The following PCDHA10 variants were observed in gnomAD, a reference collection of about 807,000 sequenced individuals.
The protein encoded by PCDHA10 is protocadherin alpha 10, also known as protocadherin alpha-10.
Under a neutral mutation model 61.2 loss-of-function variants are expected in PCDHA10, and 45 were observed. The observed-to-expected ratio is 0.74, with a 90% CI of 0.58 to 0.94. The LOEUF (loss-of-function observed/expected upper bound fraction) is 0.94, where lower values mean the gene tolerates loss of function less well. Ranked by LOEUF, PCDHA10 falls within the 40% of genes least tolerant of loss-of-function variation. The pLI is 0.00. For missense variants in PCDHA10, 1,278 were observed against 1,236.2 expected (o/e 1.03, Z -0.51); for synonymous variants, 602 against 548.8 (o/e 1.10, Z -1.35).
chr5:140,960,727 CA>C (rs2095565377), intron 1 of PCDHA10, among the ~76,000 whole-genome samples: 3 of 30,176 alleles, frequency 9.9e-5, no homozygotes, highest in Non-Finnish European at 1.9e-4. Context: ...TATTTTAGTC[CA>C]TGATTTTAGT....
intron 1 of PCDHA10, chr5:140,864,136 T>C (rs2048335461): frequency 6.6e-6 from 1 of 152,238 alleles, no homozygotes; most frequent in African/African-American, 2.4e-5. Flanking sequence ...AGTGGCTGTT[T>C]CCTGTAAATG....
chr5:140,891,235 G>T (rs186707439), intron 1 of PCDHA10, among the ~76,000 whole-genome samples: 48 of 152,092 alleles, frequency 3.2e-4, no homozygotes, highest in African/African-American at 1.1e-3. Flanking sequence ...TCCTGTTCTG[G>T]ATTCAGTAGG....
At chr5:140,887,770 G>A (rs2061571546) in intron 1 of PCDHA10, among the ~76,000 whole-genome samples, 2 of 152,072 alleles carry the variant, frequency 1.3e-5, no homozygotes, top group South Asian at 4.1e-4. Flanking sequence ...ATGTTACAAT[G>A]ACACAGGTCA....
chr5:140,996,237 G>T (rs1169717703), intron 3 of PCDHA10, among the ~76,000 whole-genome samples: 1 of 152,186 alleles, frequency 6.6e-6, no homozygotes, highest in Non-Finnish European at 1.5e-5. Context: ...GTTGCTCAAG[G>T]CTGAGAAGTG....
chr5:140,981,691 T>C (rs1370541525), intron 2 of PCDHA10, among the ~76,000 whole-genome samples: 1 of 150,826 alleles, frequency 6.6e-6, no homozygotes, highest in East Asian at 2.1e-4. Flanking sequence ...CCTTCCATCA[T>C]TCATTCATTC....
Position 140,858,242 on chromosome 5 carries a change from C to G in PCDHA10, c.2194C>G (p.Pro732Ala), listed in dbSNP as rs1554151322. ...SAAPTEGACG[P>A]VKPTLVCSSA... ...GGCGCCCACCGAGGGCGCATGTGGG[C>G]CGGTGAAGCCCACGCTGGTGTGCTC... is the stretch of plus-strand genomic sequence containing the variant. The change falls in exon 1 of 4, where the codon CCG (proline) becomes GCG (alanine). Residue 732 changes from proline to alanine, a missense_variant. Coordinates refer to ENST00000307360, the MANE Select transcript of PCDHA10 (RefSeq NM_018901.4). 6.3e-7 allele frequency: 1 copy of G among 1,596,300 alleles called. No individual in the cohort carries two copies. Among genetic ancestry groups the G allele is most frequent in the Non-Finnish European group, 8.6e-7 (1 of 1,166,248 alleles).
Position 140,969,025 on chromosome 5 carries a change from T to G in PCDHA10, c.2389-9924T>G, listed in dbSNP as rs1554231368. On this transcript the variant is annotated intron_variant, in intron 1 of 3. Transcript: ENST00000307360. ...TCTGTGGAGTAAGGGAAAGGTCCCC[T>G]GCAGAACTGTACAAACAAGCCAACA... The G allele has an allele frequency of 1.9e-6, 3 of 1,614,178 alleles. No individual in the cohort carries two copies. The East Asian group carries it at 6.7e-5, about 36-fold the overall frequency.
At chr5:140,993,996 G>C (rs1163632974) in intron 3 of PCDHA10, among the ~76,000 whole-genome samples, 1 of 152,148 alleles carries the variant, frequency 6.6e-6, no homozygotes, top group Non-Finnish European at 1.5e-5. Flanking sequence ...CTTAGGTCAG[G>C]CCAGGCTCTG....
chr5:140,982,288 T>G, intron 2 of PCDHA10, 187 bp from the exon 3 acceptor site: 1 of 1,088,080 alleles, frequency 9.2e-7, no homozygotes, highest in Admixed American at 2.9e-5. Context: ...AGGCAATAAG[T>G]AAGTCAGCAA....
At chr5:140,893,879 G>A (rs747246517) in intron 1 of PCDHA10, among the ~76,000 whole-genome samples, 26 of 152,060 alleles carry the variant, frequency 1.7e-4, no homozygotes, top group Admixed American at 4.6e-4. Flanking sequence ...GATCCAAAGT[G>A]GCCAGAAAGT....
intron 1 of PCDHA10, among the ~76,000 whole-genome samples, chr5:140,964,926 A>G (rs2095863338): frequency 6.6e-6 from 1 of 152,212 alleles, no homozygotes; most frequent in African/African-American, 2.4e-5. Flanking sequence ...CTGGCTAGGT[A>G]GTGGAGCATT....
rs183321184 is a variant in PCDHA10 at position 140,907,756 on chromosome 5, C to G, written c.2388+49320C>G. 7.8e-3 allele frequency among the ~76,000 whole-genome samples: 1,193 copies of G among 152,264 alleles called. 22 individuals carry two copies. The highest frequency in any genetic ancestry group is 0.027 in the African/African-American group (1,101 of 41,546). On this transcript the variant is annotated intron_variant, in intron 1 of 3. Coordinates refer to ENST00000307360, the MANE Select transcript of PCDHA10 (RefSeq NM_018901.4). ...CCACCATGGCCACTTTGTTCATGGGCCCATTGGGTGATGACAGGGGTGGCT... is the reference window on the plus strand; with the variant it reads ...CCACCATGGCCACTTTGTTCATGGGGCCATTGGGTGATGACAGGGGTGGCT...
At chr5:140,958,746 G>C (rs946339571) in intron 1 of PCDHA10, among the ~76,000 whole-genome samples, 1 of 152,066 alleles carries the variant, frequency 6.6e-6, no homozygotes, top group African/African-American at 2.4e-5. Flanking sequence ...AGAGAGAAAG[G>C]AGATTTTTAC....
At chr5:140,869,242 C>T (rs781799282) in intron 1 of PCDHA10, 1 of 1,613,610 alleles carries the variant, frequency 6.2e-7, no homozygotes, top group East Asian at 2.2e-5. Context: ...CTTCGTGGGC[C>T]GCATCGCGCA....
chr5:140,907,616 GCT>G (rs1554193070), intron 1 of PCDHA10, among the ~76,000 whole-genome samples: 1 of 152,216 alleles, frequency 6.6e-6, no homozygotes, highest in Non-Finnish European at 1.5e-5. Context: ...CATATCAAGG[GCT>G]CAGTGTTGGT....
chr5:140,904,955 G>A (rs1272284537), intron 1 of PCDHA10, among the ~76,000 whole-genome samples: 1 of 152,120 alleles, frequency 6.6e-6, no homozygotes, highest in Non-Finnish European at 1.5e-5. Context: ...TTTGTCTGAT[G>A]CAGAATTTGT....
At chr5:140,879,099 A>G (rs1255546668) in intron 1 of PCDHA10, among the ~76,000 whole-genome samples, 1 of 152,242 alleles carries the variant, frequency 6.6e-6, no homozygotes, top group Non-Finnish European at 1.5e-5. Flanking sequence ...ACTGCACAGT[A>G]TATGGTGTAA....
intron 1 of PCDHA10, among the ~76,000 whole-genome samples, chr5:140,884,988 A>G (rs2060423125): frequency 6.6e-6 from 1 of 152,242 alleles, no homozygotes; most frequent in African/African-American, 2.4e-5. Context: ...CATTTAGAAA[A>G]TGTTTGTTTT....
chr5:140,871,527 G>A (rs537927360), intron 1 of PCDHA10: 3 of 1,531,844 alleles, frequency 2.0e-6, no homozygotes, highest in African/African-American at 2.8e-5. Context: ...CTATCAGGAA[G>A]TGTATGTGAA....
Sources: allele counts gnomAD v4.1 joint callset (sites outside exome capture counted in the v4.1 genomes callset), GRCh38; gene constraint gnomAD v4.1.1; transcripts MANE v1.5; gene names NCBI Gene and HGNC (gene_info 2026-07-23, HGNC 2026-07-21).